Variants in AUH observed in about 807,000 individuals in gnomAD.
AUH encodes methylglutaconyl-CoA hydratase, mitochondrial.
AUH carries 29 observed loss-of-function variants against 42.3 expected under a neutral mutation model. That is an observed-to-expected ratio of 0.69 (90% CI 0.51 to 0.93). The LOEUF (loss-of-function observed/expected upper bound fraction) is 0.93. Ranked by LOEUF, AUH falls within the 40% of genes least tolerant of loss-of-function variation. The pLI, the probability that AUH is intolerant of heterozygous loss-of-function variation, is 0.00. For missense variants in AUH, 452 were observed against 438.1 expected, an observed-to-expected ratio of 1.03 and a Z score of -0.28; for synonymous variants, 174 against 166.4, an observed-to-expected ratio of 1.05 and a Z score of -0.35.
At chr9:91,295,058 A>G (rs578215862) in intron 6 of AUH, among the ~76,000 whole-genome samples, 8 of 152,278 alleles carry the variant, frequency 5.3e-5, no homozygotes, top group African/African-American at 7.2e-5. Context: ...GTCGTGGTGA[A>G]TAAGTCTCAG....
intron 4 of AUH, among the ~76,000 whole-genome samples, chr9:91,316,325 T>C (rs1006321363): frequency 2.0e-5 from 3 of 152,120 alleles, no homozygotes; most frequent in Non-Finnish European, 4.4e-5. Flanking sequence ...TGGGCCAGAG[T>C]GTAGATATAT....
intron 6 of AUH, among the ~76,000 whole-genome samples, chr9:91,222,830 T>C (rs1383668882): frequency 6.6e-6 from 1 of 152,232 alleles, no homozygotes; most frequent in African/African-American, 2.4e-5. Context: ...TCATGTTCTA[T>C]GAAAAGTTTA....
At chr9:91,287,034 T>C (rs1826470285) in intron 6 of AUH, among the ~76,000 whole-genome samples, 1 of 152,124 alleles carries the variant, frequency 6.6e-6, no homozygotes. Flanking sequence ...TAGATATATA[T>C]AAAAACACTC....
intron 3 of AUH, among the ~76,000 whole-genome samples, chr9:91,330,943 C>T (rs187886522): frequency 1.6e-4 from 24 of 152,238 alleles, no homozygotes; most frequent in Non-Finnish European, 1.5e-4. Context: ...CTGTGGTGTG[C>T]TGGGACTTCA....
At chr9:91,282,500 G>A (rs998612786) in intron 6 of AUH, among the ~76,000 whole-genome samples, 2 of 152,122 alleles carry the variant, frequency 1.3e-5, no homozygotes, top group African/African-American at 4.8e-5. Flanking sequence ...CTCAACAAAT[G>A]TCTGCTAAGG....
rs565155285 is a variant in AUH at position 91,284,255 on chromosome 9, G to T, written c.655+11766C>A. Reference sequence around the variant, plus strand: ...TAAATGGTGCTGGGAAAACTGGCTAGCCATATGTAGAAGGCTGAAACTGGA... The same window carrying T: ...TAAATGGTGCTGGGAAAACTGGCTATCCATATGTAGAAGGCTGAAACTGGA... On this transcript the variant is annotated intron_variant, in intron 6 of 9. Coordinates refer to ENST00000375731, the MANE Select transcript of AUH (RefSeq NM_001698.3). Among the ~76,000 whole-genome samples the T allele has an allele frequency of 2.6e-5, 4 of 152,262 alleles. No individual in the cohort carries two copies. The South Asian group carries it at 8.3e-4, about 32-fold the overall frequency.
chr9:91,279,882 A>T (rs1450206529), intron 6 of AUH, among the ~76,000 whole-genome samples: 2 of 152,206 alleles, frequency 1.3e-5, no homozygotes, highest in Non-Finnish European at 2.9e-5. Context: ...TTAACCATAA[A>T]TGTTACTGCT....
At chr9:91,281,666 C>T (rs1825972919) in intron 6 of AUH, among the ~76,000 whole-genome samples, 3 of 152,196 alleles carry the variant, frequency 2.0e-5, no homozygotes, top group Admixed American at 1.3e-4. Context: ...CCTCTCTTTT[C>T]AGTTACTGCA....
chr9:91,271,539 T>C (rs1160867476), intron 6 of AUH, among the ~76,000 whole-genome samples: 1 of 152,242 alleles, frequency 6.6e-6, no homozygotes, highest in Non-Finnish European at 1.5e-5. Flanking sequence ...GTCTAAGGCA[T>C]TTAGTAAAAA....
intron 4 of AUH, among the ~76,000 whole-genome samples, chr9:91,323,652 A>G (rs917028721): frequency 6.6e-6 from 1 of 151,960 alleles, no homozygotes; most frequent in Non-Finnish European, 1.5e-5. Flanking sequence ...TAACTTTCCT[A>G]CAGACTATAA....
At chr9:91,292,958 T>C (rs1827029444) in intron 6 of AUH, among the ~76,000 whole-genome samples, 1 of 152,178 alleles carries the variant, frequency 6.6e-6, no homozygotes, top group Non-Finnish European at 1.5e-5. Flanking sequence ...TCACAATATT[T>C]CAAACCTTTT....
At chr9:91,308,230 T>C (rs1828382078) in intron 4 of AUH, among the ~76,000 whole-genome samples, 1 of 152,102 alleles carries the variant, frequency 6.6e-6, no homozygotes, top group African/African-American at 2.4e-5. Flanking sequence ...CCAGGCATGG[T>C]GGACTGAGTA....
At position 91,251,193 on chromosome 9, in the gene AUH, C is replaced by A. The variant is rs568271129; in HGVS notation, c.656-30201G>T. Among the ~76,000 whole-genome samples the A allele has an allele frequency of 4.6e-5, 7 of 152,284 alleles. No homozygotes were observed. In the South Asian group the frequency reaches 1.5e-3, roughly 32 times the overall value. ...TGAACATTCCGGGAGGTCGCCATGT[C>A]CTCTCCTTGCCAGTCCCCTCTAGGT... is the stretch of plus-strand genomic sequence containing the variant. On this transcript the variant is annotated intron_variant, in intron 6 of 9. Coordinates refer to ENST00000375731, the MANE Select transcript of AUH (RefSeq NM_001698.3).
intron 3 of AUH, among the ~76,000 whole-genome samples, chr9:91,347,332 C>T (rs1831591710): frequency 6.6e-6 from 1 of 152,148 alleles, no homozygotes; most frequent in Admixed American, 6.5e-5. Flanking sequence ...GGCAGAATTA[C>T]AGGCATGAGC....
intron 4 of AUH, among the ~76,000 whole-genome samples, chr9:91,299,642 T>C (rs2131674021): frequency 6.6e-6 from 1 of 152,132 alleles, no homozygotes; most frequent in East Asian, 1.9e-4. Flanking sequence ...ATGAGTTTAA[T>C]GTGCAAACAA....
intron 6 of AUH, among the ~76,000 whole-genome samples, chr9:91,255,932 G>C (rs1829382348): frequency 6.6e-6 from 1 of 152,046 alleles, no homozygotes; most frequent in African/African-American, 2.4e-5. Flanking sequence ...AAGTTACGCA[G>C]CTCTATTTTA....
At chr9:91,317,987 A>T (rs1318508124) in intron 4 of AUH, among the ~76,000 whole-genome samples, 1 of 152,186 alleles carries the variant, frequency 6.6e-6, no homozygotes, top group Non-Finnish European at 1.5e-5. Context: ...CTTTTGTTAC[A>T]ATCTGCTGGA....
intron 6 of AUH, among the ~76,000 whole-genome samples, chr9:91,246,591 G>C (rs1828808305): frequency 6.6e-6 from 1 of 152,120 alleles, no homozygotes; most frequent in African/African-American, 2.4e-5. Context: ...GAAACACTGA[G>C]GACCAAAATA....
At chr9:91,284,236 G>T (rs1050430185) in intron 6 of AUH, among the ~76,000 whole-genome samples, 1 of 152,090 alleles carries the variant, frequency 6.6e-6, no homozygotes, top group Non-Finnish European at 1.5e-5. Context: ...TTAATAAATG[G>T]TGCTGGGAAA....
Sources: gnomAD v4.1 joint callset for allele counts (sites outside exome capture counted in the v4.1 genomes callset) on GRCh38, gnomAD v4.1.1 for gene constraint, MANE v1.5 for transcripts, NCBI Gene and HGNC (gene_info 2026-07-23, HGNC 2026-07-21) for gene names.